KCNK10: variants seen among roughly 807,000 people sequenced by gnomAD.
KCNK10 encodes potassium two pore domain channel subfamily K member 10.
KCNK10 carries 25 observed loss-of-function variants against 47.7 expected under a neutral mutation model. The ratio of observed to expected loss-of-function variants is 0.52; its 90% CI spans 0.38 to 0.73. KCNK10 has a LOEUF of 0.73. KCNK10 is among the 30% of genes least tolerant of loss of function. The probability of loss-of-function intolerance (pLI) is 0.00; values close to 1 mark genes in which losing one functional copy is unlikely to be tolerated. For missense variants in KCNK10, 563 were observed against 714.5 expected, an observed-to-expected ratio of 0.79 and a Z score of 2.42; for synonymous variants, 303 against 285.6, an observed-to-expected ratio of 1.06 and a Z score of -0.61.
At chr14:88,245,438 AGGAG>A (rs889311764) in intron 2 of KCNK10, among the ~76,000 whole-genome samples, 1 of 152,150 alleles carries the variant, frequency 6.6e-6, no homozygotes, top group East Asian at 1.9e-4. Flanking sequence ...AGAGAGGAGG[AGGAG>A]GTAACTGGAC....
chr14:88,322,464 A>AATACCGACACTTGCAATTTCAAACC lies in KCNK10; in HGVS notation c.52+258_52+282dup, dbSNP rs1888568447. On this transcript the variant is annotated intron_variant, in intron 1 of 6. Transcript: ENST00000319231. This position sits in a 1 kb window ranked among gnomAD's most constrained non-coding sequence, Gnocchi z 4.8. ...ACTCGCACACTCAAAGTCAAAAGCA[A>AATACCGACACTTGCAATTTCAAACC]ATACCGACACTTGCAATTTCAAACC... 2.0e-5 allele frequency among the ~76,000 whole-genome samples: 3 copies of AATACCGACACTTGCAATTTCAAACC among 152,182 alleles called. No homozygotes were observed. Among genetic ancestry groups the AATACCGACACTTGCAATTTCAAACC allele is most frequent in the Admixed American group, 6.5e-5 (1 of 15,292 alleles).
In KCNK10 at chr14:88,269,716, T is replaced by C. The variant is rs182132787; in HGVS notation, c.53-6165A>G. Among the ~76,000 whole-genome samples the C allele has an allele frequency of 2.6e-5, 4 of 152,266 alleles. No individual in the cohort carries two copies. The East Asian group carries it at 7.7e-4, about 29-fold the overall frequency. On this transcript the variant is annotated intron_variant, in intron 1 of 6. Transcript: ENST00000319231. The stretch of plus-strand genomic sequence containing the variant: ...CCTCCTAAAGTGCTGGGATTACAAG[T>C]ATGAGCCACTGCACCCAGCCAGTGA...
chr14:88,204,150 G>A (rs147148148), intron 4 of KCNK10, among the ~76,000 whole-genome samples: 69 of 152,280 alleles, frequency 4.5e-4, no homozygotes, highest in African/African-American at 1.5e-3. Flanking sequence ...GGAAAAGGGG[G>A]AGAGGTAGGA....
intron 1 of KCNK10, among the ~76,000 whole-genome samples, chr14:88,286,923 T>C (rs1370555622): frequency 1.3e-5 from 2 of 152,172 alleles, no homozygotes; most frequent in African/African-American, 4.8e-5. Context: ...CTCTTCCATC[T>C]ATTGAGGTGC....
chr14:88,247,205 G>A (rs565493869), intron 2 of KCNK10, among the ~76,000 whole-genome samples: 2 of 152,304 alleles, frequency 1.3e-5, no homozygotes, highest in Middle Eastern at 3.4e-3. Flanking sequence ...CATCTGGGAA[G>A]GGCAGGCTGG....
At chr14:88,278,413 G>A (rs945210790) in intron 1 of KCNK10, among the ~76,000 whole-genome samples, 5 of 152,116 alleles carry the variant, frequency 3.3e-5, no homozygotes, top group African/African-American at 1.2e-4. Flanking sequence ...TCCATTCAAG[G>A]AACTCCCCAG....
chr14:88,319,118 C>A (rs1888489273), intron 1 of KCNK10, among the ~76,000 whole-genome samples: 2 of 152,122 alleles, frequency 1.3e-5, no homozygotes, highest in Admixed American at 1.3e-4. Context: ...TCATAGAAGT[C>A]TCTGTTCCAT....
chr14:88,216,517 C>T (rs1595085802), intron 4 of KCNK10, among the ~76,000 whole-genome samples: 1 of 152,116 alleles, frequency 6.6e-6, no homozygotes, highest in Non-Finnish European at 1.5e-5. Flanking sequence ...ACTCCTATGA[C>T]AAAGAATTAT....
chr14:88,305,757 G>GA (rs1361266804), intron 1 of KCNK10, among the ~76,000 whole-genome samples: 9 of 152,194 alleles, frequency 5.9e-5, no homozygotes, highest in African/African-American at 2.2e-4. Flanking sequence ...GGGAATTAGA[G>GA]AAAAGAGAAA....
At chr14:88,189,855 G>T (rs1436330253) in intron 5 of KCNK10, among the ~76,000 whole-genome samples, 2 of 152,176 alleles carry the variant, frequency 1.3e-5, no homozygotes, top group East Asian at 3.9e-4. Flanking sequence ...TAAACTTCCA[G>T]TCTTTTCAGG....
At chr14:88,323,675 G>A (rs2139811011), upstream of KCNK10, 1 of 151,558 alleles carries the variant, frequency 6.6e-6, no homozygotes, top group East Asian at 2.0e-4. Context: ...GGCGGGCGTG[G>A]AGGCGGCAGC....
Position 88,310,168 on chromosome 14 carries a change from TCA to T in KCNK10, c.52+12577_52+12578del, listed in dbSNP as rs1566721426. Among the ~76,000 whole-genome samples the T allele has an allele frequency of 1.2e-4, 15 of 125,394 alleles. 6 individuals carry two copies. Among genetic ancestry groups the T allele is most frequent in the Non-Finnish European group, 2.4e-4 (13 of 53,946 alleles). 82.3% of individuals were successfully genotyped at this position (125,394 alleles called of 152,430 possible). On this transcript the variant is annotated intron_variant, in intron 1 of 6. Coordinates refer to ENST00000319231, the MANE Select transcript of KCNK10 (RefSeq NM_138317.3). ...ATCCATATCTCTCTCATATACCATA[TCA>T]TATGGTATATGATATACCATATCAT...
chr14:88,275,124 G>T (rs1887499167), intron 1 of KCNK10, among the ~76,000 whole-genome samples: 1 of 152,168 alleles, frequency 6.6e-6, no homozygotes, highest in South Asian at 2.1e-4. Context: ...TGTGCTGTCA[G>T]TGTGACTCTG....
chr14:88,310,157 C>CATATACCATATCATATGGTATATG (rs796874564), intron 1 of KCNK10, among the ~76,000 whole-genome samples: 11 of 43,560 alleles, frequency 2.5e-4, no homozygotes, highest in East Asian at 8.6e-4. Flanking sequence ...ATATCTCTCT[C>CATATACCATATCATATGGTATATG]ATATACCATA....
Position 88,186,057 on chromosome 14 carries a change from C to G in KCNK10, c.1110G>C (p.Lys370Asn). The G allele has an allele frequency of 6.2e-7, 1 of 1,613,066 alleles. No individual in the cohort carries two copies. The highest frequency in any genetic ancestry group is 8.5e-7 in the Non-Finnish European group (1 of 1,179,972). Residue 370 changes from lysine to asparagine, a missense_variant, in exon 7 of 7, where the codon AAG becomes AAC. Transcript: ENST00000319231. The surrounding 1 kb of genome is among the most constrained non-coding windows in gnomAD (Gnocchi z 5.5). Reference sequence around the variant, plus strand: ...TGCGGATGGTGGCCGCCCGCTGCAGCTTATCGTGGATCTCCACGCTGAGCC... The same window carrying G: ...TGCGGATGGTGGCCGCCCGCTGCAGGTTATCGTGGATCTCCACGCTGAGCC... The part of the protein sequence containing the change: ...RRRLSVEIHD[K>N]LQRAATIRSM...
chr14:88,309,456 G>T (rs1387162436), intron 1 of KCNK10, among the ~76,000 whole-genome samples: 7 of 152,090 alleles, frequency 4.6e-5, no homozygotes, highest in Admixed American at 2.0e-4. Flanking sequence ...GCATAAATTT[G>T]CCAAGTCTGG....
At chr14:88,200,069 T>G (rs927293981) in intron 4 of KCNK10, among the ~76,000 whole-genome samples, 4 of 150,124 alleles carry the variant, frequency 2.7e-5, no homozygotes, top group African/African-American at 1.0e-4. Context: ...TCTTTCTTTC[T>G]TCTTCCTTTC....
intron 3 of KCNK10, among the ~76,000 whole-genome samples, chr14:88,234,437 A>T (rs760435708): frequency 6.6e-6 from 1 of 152,246 alleles, no homozygotes; most frequent in Non-Finnish European, 1.5e-5. Flanking sequence ...CCTAGAAACA[A>T]CATAGGTCCT....
intron 2 of KCNK10, among the ~76,000 whole-genome samples, chr14:88,253,183 A>C (rs538422980): frequency 6.6e-6 from 1 of 152,184 alleles, no homozygotes. Context: ...CCAGCACAGA[A>C]TCAGTGCCTA....
Sources: gnomAD v4.1 joint callset for allele counts (sites outside exome capture counted in the v4.1 genomes callset) on GRCh38, gnomAD v4.1.1 for gene constraint, Gnocchi (gnomAD v3.1) non-coding constraint, MANE v1.5 for transcripts, NCBI Gene and HGNC (gene_info 2026-07-23, HGNC 2026-07-21) for gene names.